The following DLGAP2 variants were observed in gnomAD, a reference collection of about 807,000 sequenced individuals.
The protein encoded by DLGAP2 is disks large-associated protein 2.
Under a neutral mutation model 100.3 loss-of-function variants are expected in DLGAP2, and 26 were observed. The ratio of observed to expected loss-of-function variants is 0.26; its 90% CI spans 0.19 to 0.36. The LOEUF is 0.36. Among genes scored for constraint, DLGAP2 ranks in the 10% least tolerant of loss-of-function variants. The probability of loss-of-function intolerance (pLI) is 1.00; values close to 1 mark genes in which losing one functional copy is unlikely to be tolerated. For synonymous variants in DLGAP2, 886 were observed against 630.1 expected (o/e 1.41, Z -6.08); for missense variants, 1,858 against 1,453.2 (o/e 1.28, Z -4.53).
intron 2 of DLGAP2, among the ~76,000 whole-genome samples, chr8:910,878 T>G (rs1305706295): frequency 2.0e-5 from 3 of 152,050 alleles, no homozygotes; most frequent in Non-Finnish European, 4.4e-5. Context: ...GAGCAGGCCT[T>G]GGGCGCGGTG....
At chr8:1,303,520 T>C (rs924598080) in intron 3 of DLGAP2, among the ~76,000 whole-genome samples, 4 of 152,208 alleles carry the variant, frequency 2.6e-5, no homozygotes, top group Admixed American at 2.0e-4. Context: ...CAGACCCTGC[T>C]GGGCTGTGCG....
At chr8:1,304,152 T>C (rs7010534) in intron 3 of DLGAP2, among the ~76,000 whole-genome samples, 22,972 of 152,230 alleles carry the variant, frequency 0.15, 1,880 homozygotes, top group Middle Eastern at 0.3. Context: ...GCCACTGGAA[T>C]GTTCCATGGG....
intron 3 of DLGAP2, among the ~76,000 whole-genome samples, chr8:1,264,526 T>C (rs1585205721): frequency 1.3e-5 from 2 of 152,234 alleles, no homozygotes; most frequent in South Asian, 4.1e-4. Context: ...TTATACTACC[T>C]GTATGTTGCA....
intron 3 of DLGAP2, among the ~76,000 whole-genome samples, chr8:1,319,664 G>A (rs1185765206): frequency 6.6e-6 from 1 of 152,228 alleles, no homozygotes; most frequent in African/African-American, 2.4e-5. Context: ...AGGGGCTCAT[G>A]TCAGTTAAGG....
chr8:1,048,985 G>A (rs922341510), intron 2 of DLGAP2, among the ~76,000 whole-genome samples: 2 of 152,190 alleles, frequency 1.3e-5, no homozygotes, highest in Non-Finnish European at 2.9e-5. Context: ...CGGTTTTCCA[G>A]GAAGCATGAT....
In DLGAP2 at chr8:1,678,584, A is replaced by G; in HGVS notation, c.2659A>G (p.Lys887Glu). 2 of 1,579,596 alleles carry G rather than the reference A, an allele frequency of 1.3e-6. No individual in the cohort carries two copies. The highest frequency in any genetic ancestry group is 8.6e-7 in the Non-Finnish European group (1 of 1,163,088). The part of the protein sequence containing the change: ...AETKRMEGWC[K>E]EMEREAEEND... Reference sequence around the variant, plus strand: ...GACAAAGAGGATGGAAGGCTGGTGCAAAGAGATGGAGAGAGAGGCGGAGGA... The same window carrying G: ...GACAAAGAGGATGGAAGGCTGGTGCGAAGAGATGGAGAGAGAGGCGGAGGA... The change falls in exon 12 of 15, where the codon AAA (lysine) becomes GAA (glutamate). Residue 887 changes from lysine (K) to glutamate (E), a missense_variant. Transcript: ENST00000637795.
chr8:1,291,835 G>A (rs181828074), intron 3 of DLGAP2, among the ~76,000 whole-genome samples: 292 of 152,232 alleles, frequency 1.9e-3, no homozygotes, highest in Non-Finnish European at 3.3e-3. Context: ...ACTTTGTACT[G>A]CTCAGCAGGC....
chr8:1,415,099 C>A (rs1027811112), intron 3 of DLGAP2, among the ~76,000 whole-genome samples: 2 of 152,238 alleles, frequency 1.3e-5, no homozygotes, highest in African/African-American at 4.8e-5. Flanking sequence ...TGCATACATA[C>A]GTGTACACAC....
chr8:1,330,494 T>C (rs1200574997), intron 3 of DLGAP2, among the ~76,000 whole-genome samples: 1 of 134,548 alleles, frequency 7.4e-6, no homozygotes, highest in Non-Finnish European at 1.6e-5. Flanking sequence ...GAGTTTTGGG[T>C]GGGAGCACCG....
chr8:865,414 T>A (rs1300461110), intron 1 of DLGAP2, among the ~76,000 whole-genome samples: 1 of 152,230 alleles, frequency 6.6e-6, no homozygotes, highest in African/African-American at 2.4e-5. Context: ...CTGGGATGTG[T>A]CTTGATTTGC....
rs560311514 is a variant in DLGAP2 at position 1,471,459 on chromosome 8, C to A, written c.107-29907C>A. Among the ~76,000 whole-genome samples the A allele has an allele frequency of 6.6e-5, 10 of 152,056 alleles. No individual in the cohort carries two copies. In the South Asian group the frequency reaches 8.3e-4, roughly 13 times the overall value. On this transcript the variant is annotated intron_variant, in intron 3 of 14. Coordinates refer to ENST00000637795, the MANE Select transcript of DLGAP2 (RefSeq NM_001346810.2). The stretch of plus-strand genomic sequence containing the variant: ...TCCATCTGCCTGTGACGCAGGACAT[C>A]CCCAGCCTCCTCACCTCTGTCAGAG...
intron 1 of DLGAP2, among the ~76,000 whole-genome samples, chr8:802,065 C>T (rs1172509487): frequency 0.11 from 8,277 of 78,282 alleles, 11 homozygotes; most frequent in Middle Eastern, 0.14. Context: ...CAGTCTGCAC[C>T]CCTCCTGGGC....
chr8:1,279,043 C>T (rs1026123752), intron 3 of DLGAP2, among the ~76,000 whole-genome samples: 5 of 152,172 alleles, frequency 3.3e-5, no homozygotes, highest in African/African-American at 1.2e-4. Context: ...GAGCTATACT[C>T]ACCCCAGGGG....
intron 2 of DLGAP2, among the ~76,000 whole-genome samples, chr8:1,234,189 G>C (rs1226728032): frequency 6.6e-6 from 1 of 152,218 alleles, no homozygotes; most frequent in East Asian, 1.9e-4. Context: ...GGCTGTTGTC[G>C]TAGGTGGTGC....
At chr8:1,039,410 G>C (rs1361844442) in intron 2 of DLGAP2, among the ~76,000 whole-genome samples, 2 of 148,990 alleles carry the variant, frequency 1.3e-5, no homozygotes, top group Non-Finnish European at 3.0e-5. Flanking sequence ...CTTGGTTTCT[G>C]TGGTCAGCTC....
intron 3 of DLGAP2, among the ~76,000 whole-genome samples, chr8:1,366,200 G>A (rs966035947): frequency 6.6e-6 from 1 of 152,168 alleles, no homozygotes; most frequent in East Asian, 1.9e-4. Flanking sequence ...GAATTCTAAT[G>A]TGCTGCTTTC....
intron 1 of DLGAP2, among the ~76,000 whole-genome samples, chr8:809,338 G>C (rs1378794091): frequency 6.6e-6 from 1 of 152,078 alleles, no homozygotes; most frequent in Non-Finnish European, 1.5e-5. Flanking sequence ...CTCACTATTT[G>C]AAACTTTGCC....
intron 3 of DLGAP2, among the ~76,000 whole-genome samples, chr8:1,496,258 C>G (rs1799542733): frequency 6.6e-6 from 1 of 152,124 alleles, no homozygotes; most frequent in Non-Finnish European, 1.5e-5. Context: ...AGTGCAGAAT[C>G]TCTACATGAG....
chr8:1,288,678 A>AGTGTGTGT (rs1163735040), intron 3 of DLGAP2, among the ~76,000 whole-genome samples: 6 of 118,482 alleles, frequency 5.1e-5, no homozygotes, highest in African/African-American at 1.3e-4. Flanking sequence ...GTTTCGGTTC[A>AGTGTGTGT]GTGTGTGTGT....
Sources: allele counts gnomAD v4.1 joint callset (sites outside exome capture counted in the v4.1 genomes callset), GRCh38; gene constraint gnomAD v4.1.1; transcripts MANE v1.5; gene names NCBI Gene and HGNC (gene_info 2026-07-23, HGNC 2026-07-21).